PDE11A: variants seen among roughly 807,000 people sequenced by gnomAD.
The protein encoded by PDE11A is phosphodiesterase 11A.
In PDE11A, 100 loss-of-function variants were observed where a neutral mutation model predicts 100.5. The observed-to-expected ratio is 1.00, with a 90% CI of 0.85 to 1.18. PDE11A has a LOEUF of 1.18. Ranked by LOEUF, PDE11A falls within the 50% of genes most tolerant of loss-of-function variation. The pLI, the probability that PDE11A is intolerant of heterozygous loss-of-function variation, is 0.00. For missense variants in PDE11A, 1,141 were observed against 1,152.6 expected (o/e 0.99, Z 0.15); for synonymous variants, 381 against 420.8 (o/e 0.91, Z 1.16).
At chr2:177,995,019 A>G (rs1038534086) in intron 2 of PDE11A, among the ~76,000 whole-genome samples, 1 of 152,194 alleles carries the variant, frequency 6.6e-6, no homozygotes, top group Non-Finnish European at 1.5e-5. Flanking sequence ...CAGTCAATTC[A>G]GTATCAAACT....
chr2:177,942,092 T>C (rs1009102376), intron 2 of PDE11A, among the ~76,000 whole-genome samples: 4 of 152,248 alleles, frequency 2.6e-5, no homozygotes, highest in African/African-American at 7.2e-5. Flanking sequence ...GCTTTAAACA[T>C]GTTCATCTAC....
chr2:177,757,071 T>C (rs1021819033), intron 10 of PDE11A, among the ~76,000 whole-genome samples: 4 of 152,234 alleles, frequency 2.6e-5, no homozygotes, highest in Admixed American at 6.5e-5. Flanking sequence ...AATTTCTTAA[T>C]GTGTGCAATG....
intron 1 of PDE11A, among the ~76,000 whole-genome samples, chr2:178,021,179 C>T (rs908396461): frequency 1.7e-4 from 26 of 152,064 alleles, no homozygotes; most frequent in Admixed American, 3.3e-4. Flanking sequence ...CCAGGCTGGT[C>T]TCGAACTCCT....
chr2:178,012,634 T>C (rs568848964), intron 2 of PDE11A, among the ~76,000 whole-genome samples: 1 of 152,324 alleles, frequency 6.6e-6, no homozygotes, highest in East Asian at 1.9e-4. Flanking sequence ...CCTGTGCAAA[T>C]CTTCCCTTTA....
At chr2:178,008,147 T>C (rs563772366) in intron 2 of PDE11A, among the ~76,000 whole-genome samples, 1 of 152,368 alleles carries the variant, frequency 6.6e-6, no homozygotes, top group East Asian at 1.9e-4. Flanking sequence ...GTATCTTTTA[T>C]AAAGACAATG....
chr2:177,698,743 AT>A (rs1468194836), intron 14 of PDE11A, among the ~76,000 whole-genome samples: 1 of 152,156 alleles, frequency 6.6e-6, no homozygotes, highest in Non-Finnish European at 1.5e-5. Flanking sequence ...ATTAATAATA[AT>A]TTTCAAATGA....
chr2:178,090,858 C>T (rs776693214), intron 2 of PDE11A, among the ~76,000 whole-genome samples: 21 of 151,976 alleles, frequency 1.4e-4, no homozygotes, highest in Non-Finnish European at 2.1e-4. Flanking sequence ...TGAAGCCCTC[C>T]CTGGGCCCCC....
intron 10 of PDE11A, among the ~76,000 whole-genome samples, chr2:177,748,881 T>C (rs2081988849): frequency 6.6e-6 from 1 of 152,200 alleles, no homozygotes; most frequent in Admixed American, 6.5e-5. Context: ...TCATAGTTTG[T>C]CATTGAATAT....
At chr2:177,695,299 AATATTT>A (rs1435817295) in intron 15 of PDE11A, among the ~76,000 whole-genome samples, 1 of 152,180 alleles carries the variant, frequency 6.6e-6, no homozygotes, top group African/African-American at 2.4e-5. Context: ...TGTCACCTTG[AATATTT>A]ATCATTTCTA....
rs1322757134 is a variant in PDE11A, at chr2:177,779,940, C to A, written c.1738-10567G>T. On this transcript the variant is annotated intron_variant, in intron 9 of 19. Coordinates refer to ENST00000286063, the MANE Select transcript of PDE11A (RefSeq NM_016953.4). ...ACTATGTATGGCAGCTACAGCCTTA[C>A]AAAATGTATTTCTTAAATAATAAGA... Among the ~76,000 whole-genome samples the A allele has an allele frequency of 2.0e-5, 3 of 152,304 alleles. No homozygotes were observed. The East Asian group carries it at 5.8e-4, about 29-fold the overall frequency.
intron 15 of PDE11A, chr2:177,688,199 AG>A (rs1228962045): frequency 6.6e-6 from 1 of 152,270 alleles, no homozygotes; most frequent in African/African-American, 2.4e-5. Flanking sequence ...CCAAGTATCA[AG>A]GCAGACACAG....
chr2:177,625,921 G>A lies in PDE11A; in HGVS notation c.*3486C>T, dbSNP rs2079825920. The A allele has an allele frequency of 6.6e-6, 1 of 152,634 alleles. No individual in the cohort carries two copies. Among genetic ancestry groups the A allele is most frequent in the Non-Finnish European group, 1.5e-5 (1 of 68,030 alleles). The allele number at this position is 152,634 out of a possible 1,614,324, so 9.5% of individuals were successfully genotyped here. On this transcript the variant is annotated 3_prime_UTR_variant, in exon 20 of 20. Transcript: ENST00000286063. The stretch of plus-strand genomic sequence containing the variant: ...CATAGTCATGGAGACACAGACCCAT[G>A]GCATTAGTCAGCAGTTTCTAAATCT...
At chr2:177,731,464 C>T (rs1399799971) in intron 10 of PDE11A, among the ~76,000 whole-genome samples, 1 of 152,118 alleles carries the variant, frequency 6.6e-6, no homozygotes, top group Non-Finnish European at 1.5e-5. Context: ...CTGGCTGGAG[C>T]CTAGCGGGGA....
rs185648500 is a variant in PDE11A at position 178,050,480 on chromosome 2, T to C, written c.912+21046A>G. On this transcript the variant is annotated intron_variant, in intron 1 of 19. Transcript: ENST00000286063. ...ACGGAACGCAGCTCCTCACCAGCAA[T>C]GGAACAAAGCTGGACAGAAAATGAC... 2.1e-3 allele frequency among the ~76,000 whole-genome samples: 320 copies of C among 152,134 alleles called. 1 individual carries two copies. Among genetic ancestry groups the C allele is most frequent in the Non-Finnish European group, 3.6e-3 (242 of 68,004 alleles).
In PDE11A at chr2:178,039,642, C is replaced by T. The variant is rs926692938; in HGVS notation, c.913-25182G>A. Among the ~76,000 whole-genome samples the T allele has an allele frequency of 6.0e-5, 9 of 151,178 alleles. 1 individual carries two copies. The highest frequency in any genetic ancestry group is 1.2e-4 in the Non-Finnish European group (8 of 67,846). ...ATACAAAATGCCCATAGCAACATTACTGATAAAAGCAAAAAATAAAAATAA... is the reference window on the plus strand; with the variant it reads ...ATACAAAATGCCCATAGCAACATTATTGATAAAAGCAAAAAATAAAAATAA... On this transcript the variant is annotated intron_variant, in intron 1 of 19. Transcript: ENST00000286063.
intron 13 of PDE11A, among the ~76,000 whole-genome samples, chr2:177,709,844 C>T (rs2081333135): frequency 6.6e-6 from 1 of 152,112 alleles, no homozygotes; most frequent in Non-Finnish European, 1.5e-5. Context: ...AAAGGTCCGA[C>T]AGCTTTGAGA....
intron 13 of PDE11A, among the ~76,000 whole-genome samples, chr2:177,702,053 TAATC>T (rs1457549803): frequency 6.6e-6 from 1 of 152,228 alleles, no homozygotes; most frequent in African/African-American, 2.4e-5. Flanking sequence ...TATTAATTAT[TAATC>T]AATAATTGAA....
intron 12 of PDE11A, among the ~76,000 whole-genome samples, chr2:177,716,865 A>T (rs1450483610): frequency 6.6e-6 from 1 of 152,202 alleles, no homozygotes; most frequent in Non-Finnish European, 1.5e-5. Flanking sequence ...ATTTGAGATC[A>T]AAATCCCCAG....
chr2:177,898,253 C>T (rs2084642463), intron 3 of PDE11A, 55 bp from the exon 4 acceptor site: 4 of 1,246,400 alleles, frequency 3.2e-6, no homozygotes, highest in Admixed American at 3.8e-5. Flanking sequence ...AAAAAAGTTG[C>T]TTTTCTTCTT....
Sources: allele counts gnomAD v4.1 joint callset (sites outside exome capture counted in the v4.1 genomes callset), GRCh38; gene constraint gnomAD v4.1.1; transcripts MANE v1.5; gene names NCBI Gene and HGNC (gene_info 2026-07-23, HGNC 2026-07-21).